Variants in ATP10A observed in about 807,000 individuals in gnomAD.
The protein encoded by ATP10A is phospholipid-transporting ATPase VA.
In ATP10A, 111 loss-of-function variants were observed where a neutral mutation model predicts 147.8. That is an observed-to-expected ratio of 0.75 (90% CI 0.64 to 0.88). The LOEUF (loss-of-function observed/expected upper bound fraction) is 0.88. Ranked by LOEUF, ATP10A falls within the 40% of genes least tolerant of loss-of-function variation. The pLI, the probability that ATP10A is intolerant of heterozygous loss-of-function variation, is 0.00. For synonymous variants in ATP10A, 875 were observed against 841.6 expected (o/e 1.04, Z -0.69); for missense variants, 1,927 against 1,959.0 (o/e 0.98, Z 0.31).
intron 2 of ATP10A, among the ~76,000 whole-genome samples, chr15:25,737,546 T>G (rs1887354071): frequency 6.6e-6 from 1 of 152,052 alleles, no homozygotes; most frequent in African/African-American, 2.4e-5. Flanking sequence ...CCCTGGGGAG[T>G]GTGCGCAGGG....
intron 16 of ATP10A, among the ~76,000 whole-genome samples, chr15:25,684,367 G>A (rs980565573): frequency 7.9e-5 from 12 of 152,166 alleles, no homozygotes; most frequent in Admixed American, 6.5e-4. Flanking sequence ...CCTCAGTCTC[G>A]CTTTCCTTGC....
At chr15:25,742,983 C>T (rs751213385) in intron 2 of ATP10A, among the ~76,000 whole-genome samples, 2 of 152,172 alleles carry the variant, frequency 1.3e-5, no homozygotes, top group Non-Finnish European at 1.5e-5. Context: ...AGCAGAGGCA[C>T]GGCTTTTGGG....
chr15:25,744,436 G>A (rs1461263373), intron 2 of ATP10A, among the ~76,000 whole-genome samples: 1 of 152,050 alleles, frequency 6.6e-6, no homozygotes, highest in Non-Finnish European at 1.5e-5. Context: ...TCAATTTCCA[G>A]GTACAATGTC....
chr15:25,819,934 C>T (rs540989808), intron 1 of ATP10A, among the ~76,000 whole-genome samples: 9 of 151,672 alleles, frequency 5.9e-5, no homozygotes, highest in African/African-American at 1.9e-4. Flanking sequence ...GGGGGGAGGG[C>T]GGAAGGAGGT....
chr15:25,741,062 T>C (rs1887557995), intron 2 of ATP10A, among the ~76,000 whole-genome samples: 1 of 152,174 alleles, frequency 6.6e-6, no homozygotes, highest in South Asian at 2.1e-4. Flanking sequence ...GGCCCCCTGG[T>C]AGGGTAGGCA....
intron 1 of ATP10A, among the ~76,000 whole-genome samples, chr15:25,855,062 A>AC (rs369155788): frequency 0.17 from 20,739 of 119,520 alleles, 1,498 homozygotes; most frequent in African/African-American, 0.23. Context: ...TCCGTCTCAC[A>AC]AAAAAAAAAA....
intron 2 of ATP10A, among the ~76,000 whole-genome samples, chr15:25,772,555 G>C (rs1889392403): frequency 1.3e-5 from 2 of 152,196 alleles, no homozygotes. Flanking sequence ...GAGCAAACCA[G>C]CTATTTGAAG....
intron 2 of ATP10A, among the ~76,000 whole-genome samples, chr15:25,773,441 G>A (rs541545438): frequency 6.6e-6 from 1 of 152,244 alleles, no homozygotes; most frequent in African/African-American, 2.4e-5. Context: ...GAAGGGAAAT[G>A]ACACACAGCA....
chr15:25,757,858 C>G (rs1042170638), intron 2 of ATP10A, among the ~76,000 whole-genome samples: 5 of 136,982 alleles, frequency 3.7e-5, no homozygotes, highest in African/African-American at 5.5e-5. Flanking sequence ...CTGCTCCACC[C>G]TAACTCATTC....
chr15:25,837,694 G>A (rs1473146580), intron 1 of ATP10A, among the ~76,000 whole-genome samples: 4 of 152,234 alleles, frequency 2.6e-5, no homozygotes. Context: ...GGACCAGAAG[G>A]CAAGCACGTC....
chr15:25,797,015 A>G (rs765134906), intron 1 of ATP10A, among the ~76,000 whole-genome samples: 2 of 152,176 alleles, frequency 1.3e-5, no homozygotes, highest in Non-Finnish European at 2.9e-5. Context: ...ACTTGTTAGC[A>G]ATTTTGAAAT....
At chr15:25,815,861 T>C (rs12905404) in intron 1 of ATP10A, among the ~76,000 whole-genome samples, 122,229 of 151,892 alleles carry the variant, frequency 0.8, 49,293 homozygotes, top group East Asian at 0.84. Flanking sequence ...AGTATCTTTG[T>C]GTTTTAATTG....
chr15:25,835,210 C>T (rs1167218505), intron 1 of ATP10A, among the ~76,000 whole-genome samples: 1 of 152,090 alleles, frequency 6.6e-6, no homozygotes, highest in African/African-American at 2.4e-5. Context: ...GTTCCAGGTT[C>T]CAATAAGTGA....
intron 3 of ATP10A, among the ~76,000 whole-genome samples, chr15:25,733,493 A>C (rs1887077754): frequency 6.6e-6 from 1 of 152,136 alleles, no homozygotes; most frequent in Admixed American, 6.5e-5. Context: ...GGTCCGGGGC[A>C]GGGCTGCTCC....
intron 4 of ATP10A, 150 bp from the exon 5 acceptor site, chr15:25,726,232 C>T: frequency 1.3e-6 from 1 of 771,954 alleles, no homozygotes; most frequent in Non-Finnish European, 2.0e-6. Flanking sequence ...ATTAATCTTA[C>T]TTCCTGTTGA....
At chr15:25,838,274 T>A (rs1396648289) in intron 1 of ATP10A, among the ~76,000 whole-genome samples, 1 of 152,170 alleles carries the variant, frequency 6.6e-6, no homozygotes, top group Admixed American at 6.5e-5. Flanking sequence ...CTAAGAGGCC[T>A]AACACTTTGG....
intron 2 of ATP10A, among the ~76,000 whole-genome samples, chr15:25,765,689 C>A (rs1350368606): frequency 6.6e-6 from 1 of 152,196 alleles, no homozygotes; most frequent in African/African-American, 2.4e-5. Flanking sequence ...AACTCTCCAG[C>A]CTCACCTTAA....
intron 3 of ATP10A, among the ~76,000 whole-genome samples, chr15:25,728,588 C>T (rs538688471): frequency 2.0e-5 from 3 of 152,322 alleles, no homozygotes; most frequent in Admixed American, 6.5e-5. Context: ...ACGTGTCTCC[C>T]GTGGACTTCT....
downstream of ATP10A, among the ~76,000 whole-genome samples, chr15:25,672,819 G>A (rs2930629): frequency 0.49 from 73,991 of 151,932 alleles, 19,667 homozygotes; most frequent in Admixed American, 0.62. Context: ...AACTCTTGTA[G>A]GATATGTTTG....
Sources: gnomAD v4.1 joint callset for allele counts (sites outside exome capture counted in the v4.1 genomes callset) on GRCh38, gnomAD v4.1.1 for gene constraint, MANE v1.5 for transcripts, NCBI Gene and HGNC (gene_info 2026-07-23, HGNC 2026-07-21) for gene names.